The following BRCA1 variants were observed in gnomAD, a reference collection of about 807,000 sequenced individuals.
BRCA1 encodes the protein breast cancer type 1 susceptibility protein.
Under a neutral mutation model 173.7 loss-of-function variants are expected in BRCA1, and 140 were observed. That is an observed-to-expected ratio of 0.81 (90% CI 0.70 to 0.93). BRCA1 has a LOEUF of 0.93. Ranked by LOEUF, BRCA1 falls within the 40% of genes least tolerant of loss-of-function variation. The pLI is 0.00. For missense variants in BRCA1, 1,983 were observed against 2,172.5 expected (o/e 0.91, Z 1.73); for synonymous variants, 662 against 756.0 (o/e 0.88, Z 2.04).
intron 18 of BRCA1, among the ~76,000 whole-genome samples, chr17:43,058,348 T>A (rs932334097): frequency 1.3e-5 from 2 of 151,874 alleles, no homozygotes; most frequent in African/African-American, 4.8e-5. Context: ...CACTCCCGCC[T>A]GGGTGACAAA....
At chr17:43,168,174 T>C in intron 1 of BRCA1, 1 of 398,700 alleles carries the variant, frequency 2.5e-6, no homozygotes, top group South Asian at 1.9e-5. Context: ...ACTTACCAGA[T>C]TGGACACTGT....
At chr17:43,133,972 T>G (rs1247607359) in intron 1 of BRCA1, among the ~76,000 whole-genome samples, 6 of 152,110 alleles carry the variant, frequency 3.9e-5, no homozygotes, top group Admixed American at 3.3e-4. Context: ...CACCTCTGGG[T>G]GTACCCTCCC....
intron 18 of BRCA1, among the ~76,000 whole-genome samples, chr17:43,057,447 G>C (rs1567764901): frequency 6.6e-6 from 1 of 151,546 alleles, no homozygotes; most frequent in East Asian, 1.9e-4. Context: ...GGAGGTGGAG[G>C]TTGCAGTGAG....
In BRCA1 at chr17:43,045,602, C is replaced by A. The variant is rs2050847738; in HGVS notation, c.*76G>T. ...TAGAAGGACTGAAGAGTGAGAGGAG[C>A]TCCCAGGGCCTGGAAAGGCCACTTT... On this transcript the variant is annotated 3_prime_UTR_variant, in exon 23 of 23. Transcript: ENST00000357654. 2 of 1,586,596 alleles carry A rather than the reference C, an allele frequency of 1.3e-6. No homozygotes were observed. The highest frequency in any genetic ancestry group is 2.7e-5 in the African/African-American group (2 of 74,162).
intron 16 of BRCA1, among the ~76,000 whole-genome samples, chr17:43,064,304 G>A (rs973464639): frequency 5.9e-5 from 9 of 152,136 alleles, no homozygotes; most frequent in Admixed American, 2.0e-4. Context: ...TAATGTGGAC[G>A]GAGAACATCT....
chr17:43,113,601 T>G (rs1399929145), intron 3 of BRCA1, among the ~76,000 whole-genome samples: 1 of 151,840 alleles, frequency 6.6e-6, no homozygotes, highest in Non-Finnish European at 1.5e-5. Flanking sequence ...TTTCCTGACC[T>G]CGTGATCCGC....
chr17:43,111,054 T>C (rs1021598497), intron 3 of BRCA1, among the ~76,000 whole-genome samples: 9 of 150,558 alleles, frequency 6.0e-5, no homozygotes, highest in African/African-American at 1.7e-4. Context: ...TGAGCCGAGA[T>C]TGTACCACTG....
At chr17:43,162,611 T>A (rs1028593995) in intron 1 of BRCA1, 1 of 152,206 alleles carries the variant, frequency 6.6e-6, no homozygotes, top group Non-Finnish European at 1.5e-5. Flanking sequence ...AATAGGACTG[T>A]AGCAACCTTT....
At chr17:43,083,649 C>T (rs781449855) in intron 11 of BRCA1, among the ~76,000 whole-genome samples, 2 of 152,058 alleles carry the variant, frequency 1.3e-5, no homozygotes, top group Non-Finnish European at 2.9e-5. Context: ...AGATCATTAG[C>T]AAGGACCTGT....
intron 19 of BRCA1, among the ~76,000 whole-genome samples, chr17:43,053,781 C>T (rs1197877577): frequency 6.6e-6 from 1 of 151,652 alleles, no homozygotes; most frequent in African/African-American, 2.4e-5. Context: ...ACCAGCGTGA[C>T]CAACATGGAG....
chr17:43,125,280 G>A lies in BRCA1; in HGVS notation c.-29C>T, dbSNP rs774839252. ...CCCGGGACTCTACTACCTTTACCCA[G>A]AGCAGAGGGTGAAGGCCTCCTGAGC... On this transcript the variant is annotated 5_prime_UTR_variant, in exon 1 of 23. Coordinates refer to ENST00000357654, the MANE Select transcript of BRCA1 (RefSeq NM_007294.4). 2 of 456,220 alleles carry A rather than the reference G, an allele frequency of 4.4e-6. No homozygotes were observed. The highest frequency in any genetic ancestry group is 3.3e-4 in the Middle Eastern group (1 of 3,076). 28.3% of individuals were successfully genotyped at this position (456,220 alleles called of 1,614,324 possible). A position where few individuals can be genotyped will look rare whatever the true frequency, so the allele number is the denominator to read the frequency against.
At position 43,146,900 on chromosome 17, in the gene BRCA1, A is replaced by T. The variant is rs192816637; in HGVS notation, c.-19-22785T>A. On this transcript the variant is annotated intron_variant, in intron 1 of 7. Coordinates refer to the BRCA1 transcript ENST00000634433. ...CTTGAAAGGAGCAATTAAGTTTCTCACCCCCTCCTCATTTTAGATGGGAAC... is the reference window on the plus strand; with the variant it reads ...CTTGAAAGGAGCAATTAAGTTTCTCTCCCCCTCCTCATTTTAGATGGGAAC... Among the ~76,000 whole-genome samples, 5 of 151,530 alleles carry T rather than the reference A, an allele frequency of 3.3e-5. No homozygotes were observed. The East Asian group carries it at 9.7e-4, about 29-fold the overall frequency.
chr17:43,099,717 T>C, intron 7 of BRCA1, 58 bp downstream of exon 7: 1 of 1,466,052 alleles, frequency 6.8e-7, no homozygotes, highest in South Asian at 1.1e-5. Context: ...TTGGCAAAAC[T>C]ATAAGATAAG....
Position 43,092,382 on chromosome 17 carries a change from C to G in BRCA1, c.3149G>C (p.Ser1050Thr), listed in dbSNP as rs1597865440. The G allele has an allele frequency of 1.9e-6, 3 of 1,613,874 alleles. No homozygotes were observed. The highest frequency in any genetic ancestry group is 1.1e-5 in the South Asian group (1 of 91,080). The change falls in exon 10 of 23, where the codon AGT becomes ACT. Residue 1050 changes from serine (S) to threonine (T), a missense_variant. Transcript: ENST00000357654. The part of the protein sequence containing the change: ...SSSNINEVGS[S>T]TNEVGSSINE... The stretch of plus-strand genomic sequence containing the variant: ...AATACTGGAGCCCACTTCATTAGTA[C>G]TGGAACCTACTTCATTAATATTGCT...
chr17:43,078,660 G>T (rs1010575516), intron 12 of BRCA1, among the ~76,000 whole-genome samples: 2 of 152,122 alleles, frequency 1.3e-5, no homozygotes, highest in African/African-American at 4.8e-5. Flanking sequence ...ACACTGGGTA[G>T]CCTGGGGGGA....
chr17:43,096,042 A>C, intron 8 of BRCA1, 120 bp from the exon 9 acceptor site: 1 of 829,408 alleles, frequency 1.2e-6, no homozygotes, highest in Non-Finnish European at 2.0e-6. Context: ...AATCTTATTT[A>C]GTTAGTGAAA....
chr17:43,100,670 A>ATGT lies in BRCA1; in HGVS notation c.442-791_442-790insACA, dbSNP rs1282418665. Among the ~76,000 whole-genome samples, 16 of 29,112 alleles carry ATGT rather than the reference A, an allele frequency of 5.5e-4. 1 individual carries two copies. In the South Asian group the frequency reaches 5.7e-3, roughly 10 times the overall value. The allele number at this position is 29,112 out of a possible 152,430, so 19.1% of individuals were successfully genotyped here. A position where few individuals can be genotyped will look rare whatever the true frequency, so the allele number is the denominator to read the frequency against. On this transcript the variant is annotated intron_variant, in intron 6 of 22. Coordinates refer to ENST00000357654, the MANE Select transcript of BRCA1 (RefSeq NM_007294.4). ...ACATATATATAACATATATATATATATATATATAATATATATATATATATA... is the reference window on the plus strand; with the variant it reads ...ACATATATATAACATATATATATATATGTTATATATAATATATATATATATATA...
At chr17:43,159,166 G>A (rs868679574) in intron 1 of BRCA1, among the ~76,000 whole-genome samples, 20 of 152,222 alleles carry the variant, frequency 1.3e-4, no homozygotes, top group South Asian at 4.1e-4. Flanking sequence ...TGGGAGGATC[G>A]CTTGAGCCTG....
chr17:43,099,511 TCCAC>T (rs998188138), intron 7 of BRCA1, among the ~76,000 whole-genome samples: 1 of 152,056 alleles, frequency 6.6e-6, no homozygotes, highest in African/African-American at 2.4e-5. Flanking sequence ...CCTCAGGTGA[TCCAC>T]CCACTTTGGC....
Sources: gnomAD v4.1 joint callset for allele counts (sites outside exome capture counted in the v4.1 genomes callset) on GRCh38, gnomAD v4.1.1 for gene constraint, MANE v1.5 for transcripts, NCBI Gene and HGNC (gene_info 2026-07-23, HGNC 2026-07-21) for gene names.